The following ANKIB1 variants were observed in gnomAD, a reference collection of about 807,000 sequenced individuals.
ANKIB1 encodes ankyrin repeat and IBR domain-containing protein 1.
A neutral mutation model predicts 122.1 loss-of-function variants in ANKIB1; 43 were observed. The observed-to-expected ratio is 0.35, with a 90% CI of 0.28 to 0.45. ANKIB1 has a LOEUF of 0.45. Among genes scored for constraint, ANKIB1 ranks in the 20% least tolerant of loss-of-function variants. ANKIB1 has a pLI of 1.00. For synonymous variants in ANKIB1, 390 were observed against 442.0 expected (o/e 0.88, Z 1.48); for missense variants, 992 against 1,329.5 (o/e 0.75, Z 3.95).
At chr7:92,355,057 G>C (rs1044287465) in intron 9 of ANKIB1, among the ~76,000 whole-genome samples, 4 of 152,198 alleles carry the variant, frequency 2.6e-5, no homozygotes, top group African/African-American at 7.2e-5. Flanking sequence ...GAGACAAGTA[G>C]TATTAATAGG....
At position 92,353,754 on chromosome 7, in the gene ANKIB1, G is replaced by T; in HGVS notation, c.1397+1112G>T. 1.3e-5 allele frequency among the ~76,000 whole-genome samples: 2 copies of T among 152,118 alleles called. 1 individual carries two copies. Among genetic ancestry groups the T allele is most frequent in the Admixed American group, 1.3e-4 (2 of 15,274 alleles). On this transcript the variant is annotated intron_variant, in intron 9 of 19. Coordinates refer to ENST00000265742, the MANE Select transcript of ANKIB1 (RefSeq NM_019004.2). ...TACTTATTATTAAACATAACATTTT[G>T]CTGGAACACAGCCACACCATTTCAT...
rs184102778 is a variant in ANKIB1 at position 92,303,490 on chromosome 7, C to G, written c.189-3869C>G. 2.4e-4 allele frequency among the ~76,000 whole-genome samples: 36 copies of G among 152,184 alleles called. No individual in the cohort carries two copies. In the East Asian group the frequency reaches 6.8e-3, roughly 29 times the overall value. On this transcript the variant is annotated intron_variant, in intron 2 of 19. Transcript: ENST00000265742. ...TTCCCAATTTACAAAGTGTATTCAC[C>G]TAAACCATTGAAAGAGAAATGGCTT...
intron 4 of ANKIB1, among the ~76,000 whole-genome samples, chr7:92,322,289 C>A (rs1370280405): frequency 1.3e-5 from 2 of 151,902 alleles, no homozygotes; most frequent in African/African-American, 4.8e-5. Flanking sequence ...TAGGCATTAT[C>A]AGTAGATTTA....
chr7:92,327,820 T>C lies in ANKIB1; in HGVS notation c.707T>C (p.Leu236Pro). 6.3e-7 allele frequency: 1 copy of C among 1,589,042 alleles called. No homozygotes were observed. Among genetic ancestry groups the C allele is most frequent in the Non-Finnish European group, 8.5e-7 (1 of 1,173,542 alleles). Reference protein sequence around the residue: ...EGLRPQDLRRLKDMLIVETAD... With the variant: ...EGLRPQDLRRPKDMLIVETAD... ...TTAAGGCCTCAGGATCTTCGTAGAC[T>C]AAAAGATATGCTTATTGTGGAAACT... The change falls in exon 5 of 20, where the codon CTA becomes CCA. Residue 236 changes from leucine to proline, a missense_variant. Around this residue, in one of 4 missense-constraint regions of ANKIB1, gnomAD observed 521 missense variants for 777.7 expected, o/e 0.67. Transcript: ENST00000265742.
intron 1 of ANKIB1, among the ~76,000 whole-genome samples, chr7:92,256,806 G>C (rs929858566): frequency 2.6e-5 from 4 of 152,226 alleles, no homozygotes; most frequent in African/African-American, 9.6e-5. Context: ...GGAATACCAA[G>C]TATCATATGA....
chr7:92,356,213 G>A (rs945706533), intron 9 of ANKIB1, among the ~76,000 whole-genome samples: 12 of 152,170 alleles, frequency 7.9e-5, no homozygotes, highest in Admixed American at 2.0e-4. Context: ...CACAGGCCAA[G>A]GGACTCTCCT....
intron 5 of ANKIB1, among the ~76,000 whole-genome samples, chr7:92,334,772 C>T (rs555823446): frequency 1.3e-5 from 2 of 151,898 alleles, no homozygotes; most frequent in South Asian, 2.1e-4. Flanking sequence ...TGATATAAAG[C>T]TTTTCATATC....
chr7:92,276,796 C>G (rs1341230069), intron 1 of ANKIB1, among the ~76,000 whole-genome samples: 1 of 152,124 alleles, frequency 6.6e-6, no homozygotes, highest in Non-Finnish European at 1.5e-5. Context: ...TCCTGATAAT[C>G]AGGGTACACA....
chr7:92,312,738 A>G (rs1214464462), intron 3 of ANKIB1, among the ~76,000 whole-genome samples: 1 of 152,170 alleles, frequency 6.6e-6, no homozygotes, highest in East Asian at 1.9e-4. Flanking sequence ...TAACATTATC[A>G]ATATGTAACA....
rs1206573603 is a variant in ANKIB1, at chr7:92,398,635, G to T, written c.2956G>T (p.Ala986Ser). ...WFHDMNPQSI[A>S]LIPPATTEIS... ...TCATGACATGAACCCTCAGAGTATT[G>T]CCCTGATTCCTCCAGCAACTACAGA... The change falls in exon 20 of 20, where the codon GCC becomes TCC. Residue 986 changes from alanine (A) to serine (S), a missense_variant. Physicochemically the swap from Ala to Ser is moderately conservative, Grantham distance 99 (BLOSUM62 1). Transcript: ENST00000265742. 6.2e-7 allele frequency: 1 copy of T among 1,613,816 alleles called. No homozygotes were observed. The highest frequency in any genetic ancestry group is 1.1e-5 in the South Asian group (1 of 91,070).
At chr7:92,260,473 A>G (rs1263669067) in intron 1 of ANKIB1, among the ~76,000 whole-genome samples, 1 of 152,132 alleles carries the variant, frequency 6.6e-6, no homozygotes, top group Non-Finnish European at 1.5e-5. Flanking sequence ...GAGTCCAGGA[A>G]TTCAAGACTA....
intron 5 of ANKIB1, among the ~76,000 whole-genome samples, chr7:92,328,439 T>A (rs1701241503): frequency 6.6e-6 from 1 of 152,182 alleles, no homozygotes; most frequent in Non-Finnish European, 1.5e-5. Context: ...TGTTTTGTTT[T>A]GTTTTTTAGA....
Position 92,361,815 on chromosome 7 carries a change from G to GT in ANKIB1, c.1398-358dup, listed in dbSNP as rs1400887262. ...TGGAAGAATACTTTCTACTTTTTTTGTTTTTTTTTTTTAAATGGAGTTTCA... is the reference window on the plus strand; with the variant it reads ...TGGAAGAATACTTTCTACTTTTTTTGTTTTTTTTTTTTTAAATGGAGTTTCA... On this transcript the variant is annotated intron_variant, in intron 9 of 19. Transcript: ENST00000265742. Among the ~76,000 whole-genome samples, 167 of 140,628 alleles carry GT rather than the reference G, an allele frequency of 1.2e-3. 1 individual carries two copies. The highest frequency in any genetic ancestry group is 6.0e-3 in the East Asian group (29 of 4,862). 92.3% of individuals were successfully genotyped at this position (140,628 alleles called of 152,430 possible).
At chr7:92,261,266 G>A (rs1486103136) in intron 1 of ANKIB1, among the ~76,000 whole-genome samples, 2 of 149,950 alleles carry the variant, frequency 1.3e-5, no homozygotes, top group South Asian at 2.1e-4. Context: ...GGAGAATGGC[G>A]TGAACCCGGG....
chr7:92,283,805 C>T (rs892215170), intron 1 of ANKIB1, among the ~76,000 whole-genome samples: 4 of 152,158 alleles, frequency 2.6e-5, no homozygotes, highest in South Asian at 2.1e-4. Context: ...GGGTCTCGCT[C>T]TGTTTCCCAG....
At chr7:92,326,071 G>A (rs1219478868) in intron 4 of ANKIB1, 2 of 294,546 alleles carry the variant, frequency 6.8e-6, no homozygotes, top group Non-Finnish European at 6.9e-6. Context: ...TGAGCAATGT[G>A]TTGAAATGCT....
Position 92,396,561 on chromosome 7 carries a change from G to A in ANKIB1, c.2395+85G>A, listed in dbSNP as rs371379795. 1.9e-4 allele frequency: 131 copies of A among 691,386 alleles called. 2 individuals are homozygous for A. The South Asian group carries it at 1.9e-3, about 10-fold the overall frequency. 42.8% of individuals were successfully genotyped at this position (691,386 alleles called of 1,614,324 possible). A position where few individuals can be genotyped will look rare whatever the true frequency, so the allele number is the denominator to read the frequency against. On this transcript the variant is annotated intron_variant, in intron 18 of 19. Coordinates refer to ENST00000265742, the MANE Select transcript of ANKIB1 (RefSeq NM_019004.2). Reference sequence around the variant, plus strand: ...CTGGCTGATGTAAATTTTTGTGAACGAGTTTGTCATTTAGATATACAATAA... The same window carrying A: ...CTGGCTGATGTAAATTTTTGTGAACAAGTTTGTCATTTAGATATACAATAA...
chr7:92,319,791 C>T (rs773803239), intron 4 of ANKIB1: 109 of 316,262 alleles, frequency 3.4e-4, no homozygotes, highest in Non-Finnish European at 3.6e-4. Flanking sequence ...AAAAATTTGC[C>T]AGGAATGGTG....
intron 1 of ANKIB1, among the ~76,000 whole-genome samples, chr7:92,269,938 C>T (rs1206033288): frequency 1.3e-5 from 2 of 151,972 alleles, no homozygotes; most frequent in South Asian, 2.1e-4. Context: ...TAATGCTATC[C>T]CTCGCCAATC....
Sources: allele counts gnomAD v4.1 joint callset (sites outside exome capture counted in the v4.1 genomes callset), GRCh38; gene constraint gnomAD v4.1.1; regional missense constraint gnomAD v4.1.1; transcripts MANE v1.5; gene names NCBI Gene and HGNC (gene_info 2026-07-23, HGNC 2026-07-21).